The following COLQ variants were observed in gnomAD, a reference collection of about 807,000 sequenced individuals.
COLQ encodes the protein collagen like tail subunit of asymmetric acetylcholinesterase.
Under a neutral mutation model 69.0 loss-of-function variants are expected in COLQ, and 48 were observed. That is an observed-to-expected ratio of 0.70 (90% CI 0.55 to 0.88). The LOEUF is 0.88. COLQ is among the 40% of genes least tolerant of loss of function. The pLI, the probability that COLQ is intolerant of heterozygous loss-of-function variation, is 0.00. For synonymous variants in COLQ, 217 were observed against 211.2 expected (o/e 1.03, Z -0.24); for missense variants, 618 against 594.6 (o/e 1.04, Z -0.41).
chr3:15,520,462 G>A (rs773098810), intron 1 of COLQ, among the ~76,000 whole-genome samples: 31 of 152,160 alleles, frequency 2.0e-4, no homozygotes, highest in Non-Finnish European at 3.8e-4. Flanking sequence ...TCAGAGATGT[G>A]CCCTCTCTGA....
chr3:15,450,751 G>GCCCT lies in COLQ; in HGVS notation c.*892_*893insAGGG, dbSNP rs1194665425. On this transcript the variant is annotated 3_prime_UTR_variant, in exon 17 of 17. Coordinates refer to ENST00000383788, the MANE Select transcript of COLQ (RefSeq NM_005677.4). ...GCTGGCCCTAGATCGGGGACTCAGG[G>GCCCT]GAGTATCTGCCTAAGGACCAAGGAG... 1.3e-5 allele frequency: 2 copies of GCCCT among 152,400 alleles called. No individual in the cohort carries two copies. Among genetic ancestry groups the GCCCT allele is most frequent in the Admixed American group, 1.3e-4 (2 of 15,282 alleles). 9.4% of individuals were successfully genotyped at this position (152,400 alleles called of 1,614,324 possible). A position where few individuals can be genotyped will look rare whatever the true frequency, so the allele number is the denominator to read the frequency against.
At chr3:15,519,759 G>A (rs1371651781) in intron 1 of COLQ, among the ~76,000 whole-genome samples, 1 of 152,178 alleles carries the variant, frequency 6.6e-6, no homozygotes, top group East Asian at 1.9e-4. Flanking sequence ...AAGGCAAAGA[G>A]TTCAAAAGAA....
At chr3:15,521,062 T>C (rs1436626410) in intron 1 of COLQ, among the ~76,000 whole-genome samples, 2 of 152,092 alleles carry the variant, frequency 1.3e-5, no homozygotes, top group African/African-American at 4.8e-5. Context: ...CGAGGGACTA[T>C]TGTGGCCATG....
intron 15 of COLQ, among the ~76,000 whole-genome samples, chr3:15,454,651 G>GTTT (rs56053367): frequency 0.056 from 6,601 of 117,514 alleles, 545 homozygotes; most frequent in African/African-American, 0.15. Context: ...CCCCTGAACT[G>GTTT]TTTTTTTTTT....
chr3:15,456,693 G>A (rs1182562570), intron 13 of COLQ, 114 bp from the exon 14 acceptor site: 4 of 1,380,470 alleles, frequency 2.9e-6, no homozygotes, highest in East Asian at 2.4e-5. Context: ...GTGGGAAGAG[G>A]GGTTTGCACA....
chr3:15,515,158 G>A (rs2063043779), intron 1 of COLQ, among the ~76,000 whole-genome samples: 1 of 152,162 alleles, frequency 6.6e-6, no homozygotes, highest in Non-Finnish European at 1.5e-5. Context: ...ACTCCATGTG[G>A]GTGGGATATT....
At chr3:15,514,639 G>A (rs1197327951) in intron 1 of COLQ, among the ~76,000 whole-genome samples, 1 of 152,228 alleles carries the variant, frequency 6.6e-6, no homozygotes, top group Non-Finnish European at 1.5e-5. Context: ...CTAGACTGTT[G>A]ACTTTCAAAC....
At chr3:15,475,833 A>T (rs1395767808) in intron 6 of COLQ, among the ~76,000 whole-genome samples, 1 of 152,162 alleles carries the variant, frequency 6.6e-6, no homozygotes, top group Non-Finnish European at 1.5e-5. Flanking sequence ...CCCAGAAAAC[A>T]AGGTGTCAAT....
At chr3:15,466,863 T>A (rs1224574804) in intron 11 of COLQ, among the ~76,000 whole-genome samples, 1 of 152,190 alleles carries the variant, frequency 6.6e-6, no homozygotes, top group Non-Finnish European at 1.5e-5. Flanking sequence ...GCCTTTTTGG[T>A]CTTCAAGGGC....
In COLQ at chr3:15,479,258, A is replaced by C; in HGVS notation, c.366+80T>G. 2.7e-6 allele frequency: 4 copies of C among 1,468,096 alleles called. No individual in the cohort carries two copies. The East Asian group carries it at 6.8e-5, about 25-fold the overall frequency. The allele number at this position is 1,468,096 out of a possible 1,614,324, so 90.9% of individuals were successfully genotyped here. A position where few individuals can be genotyped will look rare whatever the true frequency, so the allele number is the denominator to read the frequency against. Reference sequence around the variant, plus strand: ...TAGCACATGTTTGGAAATCTCAACTAGGAAATTCTCAGTGGGATGCCCAGA... The same window carrying C: ...TAGCACATGTTTGGAAATCTCAACTCGGAAATTCTCAGTGGGATGCCCAGA... On this transcript the variant is annotated intron_variant, in intron 4 of 16. Transcript: ENST00000383788.
chr3:15,451,638 C>A lies in COLQ; in HGVS notation c.*6G>T, dbSNP rs144621591. On this transcript the variant is annotated 3_prime_UTR_variant, in exon 17 of 17. Coordinates refer to ENST00000383788, the MANE Select transcript of COLQ (RefSeq NM_005677.4). ...TGGGGCGCAGCCCACCTTCTCCTCA[C>A]GGCCCTCAGGTGAAGTAGCGGCAGG... The A allele has an allele frequency of 6.2e-7, 1 of 1,613,852 alleles. No homozygotes were observed. The highest frequency in any genetic ancestry group is 1.1e-5 in the South Asian group (1 of 91,080).
chr3:15,518,978 G>T (rs1007674573), intron 1 of COLQ, among the ~76,000 whole-genome samples: 4 of 152,122 alleles, frequency 2.6e-5, no homozygotes, highest in Non-Finnish European at 4.4e-5. Flanking sequence ...TCTGAATATA[G>T]AATATTTTAT....
At chr3:15,518,603 T>A (rs1013919130) in intron 1 of COLQ, among the ~76,000 whole-genome samples, 5 of 152,208 alleles carry the variant, frequency 3.3e-5, no homozygotes, top group Non-Finnish European at 7.3e-5. Flanking sequence ...GAACCTCTGA[T>A]CCAGATAGCT....
chr3:15,501,515 C>T (rs1025819370), intron 1 of COLQ, among the ~76,000 whole-genome samples: 16 of 152,226 alleles, frequency 1.1e-4, no homozygotes, highest in African/African-American at 3.4e-4. Context: ...ACTTCACATC[C>T]GCTGTCCCAT....
chr3:15,473,930 T>C lies in COLQ; in HGVS notation c.636+70A>G. The C allele has an allele frequency of 3.3e-6, 5 of 1,531,198 alleles. No individual in the cohort carries two copies. Among genetic ancestry groups the C allele is most frequent in the Non-Finnish European group, 4.5e-6 (5 of 1,106,678 alleles). 94.9% of individuals were successfully genotyped at this position (1,531,198 alleles called of 1,614,324 possible). A position where few individuals can be genotyped will look rare whatever the true frequency, so the allele number is the denominator to read the frequency against. On this transcript the variant is annotated intron_variant, in intron 10 of 16. Transcript: ENST00000383788. This position sits in a 1 kb window ranked among gnomAD's most constrained non-coding sequence, Gnocchi z 4.0. ...TGCCTGATAGACAAGGAGGCAGAGT[T>C]CTTTTTGTTGTGCTTGGAGGACCTG...
intron 1 of COLQ, among the ~76,000 whole-genome samples, chr3:15,508,576 A>T (rs942601413): frequency 4.6e-5 from 7 of 152,246 alleles, no homozygotes; most frequent in African/African-American, 1.7e-4. Flanking sequence ...AGTAATGGCC[A>T]TAATGAATCT....
chr3:15,485,231 A>G (rs553534802), intron 3 of COLQ, among the ~76,000 whole-genome samples: 1 of 152,290 alleles, frequency 6.6e-6, no homozygotes, highest in African/African-American at 2.4e-5. Context: ...CAGAAGAGCA[A>G]ATGTTGCTGC....
chr3:15,486,336 C>T (rs1289169813), intron 3 of COLQ, among the ~76,000 whole-genome samples: 2 of 152,200 alleles, frequency 1.3e-5, no homozygotes, highest in Admixed American at 6.5e-5. Context: ...TGACATTCTG[C>T]ATTTCTAACC....
chr3:15,518,289 T>C (rs1343094650), intron 1 of COLQ, among the ~76,000 whole-genome samples: 2 of 152,154 alleles, frequency 1.3e-5, no homozygotes, highest in African/African-American at 4.8e-5. Flanking sequence ...TAATTCTTTA[T>C]TGTTTTTCTT....
Sources: gnomAD v4.1 joint callset for allele counts (sites outside exome capture counted in the v4.1 genomes callset) on GRCh38, gnomAD v4.1.1 for gene constraint, Gnocchi (gnomAD v3.1) non-coding constraint, MANE v1.5 for transcripts, NCBI Gene and HGNC (gene_info 2026-07-23, HGNC 2026-07-21) for gene names.